PDIA4: variants seen among roughly 807,000 people sequenced by gnomAD.
PDIA4 encodes the protein protein disulfide-isomerase A4.
Under a neutral mutation model 62.1 loss-of-function variants are expected in PDIA4, and 33 were observed. The ratio of observed to expected loss-of-function variants is 0.53; its 90% CI spans 0.40 to 0.71. PDIA4 has a LOEUF of 0.71. Ranked by LOEUF, PDIA4 falls within the 30% of genes least tolerant of loss-of-function variation. PDIA4 has a pLI of 0.00. For synonymous variants in PDIA4, 341 were observed against 324.1 expected, an observed-to-expected ratio of 1.05 and a Z score of -0.56; for missense variants, 804 against 813.6, an observed-to-expected ratio of 0.99 and a Z score of 0.14.
intron 4 of PDIA4, among the ~76,000 whole-genome samples, chr7:149,014,381 C>T (rs1258565987): frequency 6.6e-6 from 1 of 152,154 alleles, no homozygotes; most frequent in African/African-American, 2.4e-5. Flanking sequence ...AGAACCAGAA[C>T]CACAGCTGAC....
chr7:149,017,723 TA>T (rs1824192857), intron 3 of PDIA4, among the ~76,000 whole-genome samples: 1 of 152,144 alleles, frequency 6.6e-6, no homozygotes, highest in Non-Finnish European at 1.5e-5. Context: ...TTTATCGAAA[TA>T]AAATTAAATA....
rs545677619 is a variant in PDIA4, at chr7:149,008,703, T to C, written c.980-393A>G. Among the ~76,000 whole-genome samples the C allele has an allele frequency of 1.7e-3, 248 of 149,882 alleles. 3 individuals carry two copies. The highest frequency in any genetic ancestry group is 9.6e-4 in the Non-Finnish European group (65 of 67,594). ...TTCAGCCTGGGCGACAGAGTGAGAC[T>C]GTCTTTAAAAAGAAAAAAAAAAAAG... On this transcript the variant is annotated intron_variant, in intron 6 of 9. Transcript: ENST00000652332.
intron 6 of PDIA4, among the ~76,000 whole-genome samples, chr7:149,011,544 G>C (rs1217722163): frequency 6.6e-6 from 1 of 152,218 alleles, no homozygotes; most frequent in Non-Finnish European, 1.5e-5. Flanking sequence ...CTTGAAAGCT[G>C]GTTTGATTCA....
In PDIA4 at chr7:149,005,303, C is replaced by A; in HGVS notation, c.1360G>T (p.Asp454Tyr). Residue 454 changes from aspartate to tyrosine, a missense_variant, in exon 9 of 10, where the codon GAC (aspartate) becomes TAC (tyrosine). Coordinates refer to ENST00000652332, the MANE Select transcript of PDIA4 (RefSeq NM_004911.5). ...DFPEYTFAIA[D>Y]EEDYAGEVKD... ...ACCTCCCCAGCATAGTCCTCTTCGT[C>A]CGCAATGGCAAAGGTGTACTCAGGG... is the stretch of plus-strand genomic sequence containing the variant. 1 of 1,614,188 alleles carries A rather than the reference C, an allele frequency of 6.2e-7. No individual in the cohort carries two copies. The highest frequency in any genetic ancestry group is 8.5e-7 in the Non-Finnish European group (1 of 1,180,048).
At chr7:149,026,707 G>A (rs936994784) in intron 1 of PDIA4, among the ~76,000 whole-genome samples, 1 of 151,420 alleles carries the variant, frequency 6.6e-6, no homozygotes, top group East Asian at 1.9e-4. Flanking sequence ...GCTGAGGCAG[G>A]AGGATCCCAT....
intron 6 of PDIA4, among the ~76,000 whole-genome samples, chr7:149,010,361 C>T (rs771888887): frequency 2.6e-5 from 4 of 152,094 alleles, no homozygotes; most frequent in Non-Finnish European, 4.4e-5. Flanking sequence ...GATGTGGTGG[C>T]GCTCACCTGT....
chr7:149,003,917 G>T lies in PDIA4; in HGVS notation c.1815C>A (p.Phe605Leu). The change falls in exon 10 of 10, where the codon TTC becomes TTA. Residue 605 changes from phenylalanine (F) to leucine (L), a missense_variant. Physicochemically the swap from Phe to Leu is conservative, Grantham distance 22. Transcript: ENST00000652332. ...GGTTCTTTTTGTCCCCACTGGGGGCGAAGTAGATGGTGGGGAAGCCCTCCA... is the reference window on the plus strand; with the variant it reads ...GGTTCTTTTTGTCCCCACTGGGGGCTAAGTAGATGGTGGGGAAGCCCTCCA... ...YKVEGFPTIY[F>L]APSGDKKNPV... is the part of the protein sequence containing the mutation. 1.2e-6 allele frequency: 2 copies of T among 1,613,668 alleles called. No individual in the cohort carries two copies. Among genetic ancestry groups the T allele is most frequent in the Non-Finnish European group, 1.7e-6 (2 of 1,179,810 alleles).
intron 2 of PDIA4, 90 bp downstream of exon 2, chr7:149,020,877 C>T: frequency 2.6e-6 from 4 of 1,513,164 alleles, no homozygotes; most frequent in Non-Finnish European, 3.5e-6. Context: ...ACTCCTACCC[C>T]ACCCCCCAAG....
In PDIA4 at chr7:149,012,074, GC is replaced by G. The variant is rs945929299; in HGVS notation, c.821-71del. 1.0e-5 allele frequency: 16 copies of G among 1,605,378 alleles called. No homozygotes were observed. In the African/African-American group the frequency reaches 1.9e-4, roughly 19 times the overall value. ...CACTTCCCATGGCCCATGCCTGCCA[GC>G]CCCCAGCACCTTCAATGGCAGCTTC... On this transcript the variant is annotated intron_variant, in intron 5 of 9. Coordinates refer to ENST00000652332, the MANE Select transcript of PDIA4 (RefSeq NM_004911.5).
At chr7:149,007,391 G>T (rs976961645) in intron 7 of PDIA4, among the ~76,000 whole-genome samples, 1 of 152,200 alleles carries the variant, frequency 6.6e-6, no homozygotes, top group African/African-American at 2.4e-5. Flanking sequence ...ACCTGGAAAG[G>T]CCCCTTCACC....
intron 4 of PDIA4, 94 bp downstream of exon 4, chr7:149,014,810 C>G: frequency 2.4e-6 from 3 of 1,241,616 alleles, no homozygotes; most frequent in Non-Finnish European, 3.5e-6. Flanking sequence ...CACCTTGCTC[C>G]TCTGCTGTTC....
intron 2 of PDIA4, among the ~76,000 whole-genome samples, chr7:149,020,460 G>C (rs1420514146): frequency 6.6e-6 from 1 of 152,186 alleles, no homozygotes; most frequent in African/African-American, 2.4e-5. Context: ...GCACTAGGAG[G>C]AGTAAAGACA....
intron 5 of PDIA4, 29 bp downstream of exon 5, chr7:149,012,126 T>C: frequency 1.2e-6 from 2 of 1,610,964 alleles, no homozygotes; most frequent in Non-Finnish European, 1.7e-6. Flanking sequence ...CCTTCCCCAC[T>C]GTAGTGGGAG....
At chr7:149,013,449 G>A (rs1824021596) in intron 4 of PDIA4, among the ~76,000 whole-genome samples, 1 of 152,170 alleles carries the variant, frequency 6.6e-6, no homozygotes, top group Non-Finnish European at 1.5e-5. Context: ...AGCTGAGGCG[G>A]GAGGGTCGCT....
At chr7:149,006,113 A>T in intron 7 of PDIA4, 60 bp from the exon 8 acceptor site, 1 of 1,511,842 alleles carries the variant, frequency 6.6e-7, no homozygotes, top group Non-Finnish European at 8.8e-7. Context: ...GTTCTTGAGT[A>T]CAATGTTTGA....
In PDIA4 at chr7:149,008,230, G is replaced by T. The variant is rs755831363; in HGVS notation, c.1060C>A (p.Gln354Lys). 1.9e-6 allele frequency: 3 copies of T among 1,613,956 alleles called. No individual in the cohort carries two copies. Among genetic ancestry groups the T allele is most frequent in the Non-Finnish European group, 2.5e-6 (3 of 1,179,962 alleles). Residue 354 changes from glutamine (Q) to lysine (K), a missense_variant, in exon 7 of 10, where the codon CAG (glutamine) becomes AAG (lysine). Physicochemically the swap from Gln to Lys is moderately conservative, Grantham distance 53. Transcript: ENST00000652332. The part of the protein sequence containing the change: ...IAKFLKVSQG[Q>K]LVVMQPEKFQ... The stretch of plus-strand genomic sequence containing the variant: ...TTCTCAGGCTGCATTACAACCAACT[G>T]CCCCTGGGAGACTTTCAAGAACTTT...
rs556802399 is a variant in PDIA4, at chr7:149,003,738, G to T, written c.*56C>A. ...TTGCCGGCCTCGGCGTGGACGCCCC[G>T]ACCATGGGCCACGCAGGGCGTCTGC... On this transcript the variant is annotated 3_prime_UTR_variant, in exon 10 of 10. Coordinates refer to ENST00000652332, the MANE Select transcript of PDIA4 (RefSeq NM_004911.5). 4.8e-6 allele frequency: 6 copies of T among 1,259,870 alleles called. No homozygotes were observed. The African/African-American group carries it at 6.3e-5, about 13-fold the overall frequency. 78.0% of individuals were successfully genotyped at this position (1,259,870 alleles called of 1,614,324 possible). A position where few individuals can be genotyped will look rare whatever the true frequency, so the allele number is the denominator to read the frequency against.
At chr7:149,025,264 G>A (rs974567163) in intron 1 of PDIA4, among the ~76,000 whole-genome samples, 1 of 151,908 alleles carries the variant, frequency 6.6e-6, no homozygotes, top group Non-Finnish European at 1.5e-5. Context: ...CTCAATCCCT[G>A]TCCACTCCCA....
intron 1 of PDIA4, among the ~76,000 whole-genome samples, chr7:149,025,686 A>G (rs1824525473): frequency 6.6e-6 from 1 of 152,224 alleles, no homozygotes; most frequent in African/African-American, 2.4e-5. Context: ...GTATTGTCAC[A>G]TTAGATTTTC....
Sources: gnomAD v4.1 joint callset for allele counts (sites outside exome capture counted in the v4.1 genomes callset) on GRCh38, gnomAD v4.1.1 for gene constraint, MANE v1.5 for transcripts, NCBI Gene and HGNC (gene_info 2026-07-23, HGNC 2026-07-21) for gene names.